Variants in WIZ observed in about 807,000 individuals in gnomAD.
The protein encoded by WIZ is protein Wiz.
Under a neutral mutation model 140.2 loss-of-function variants are expected in WIZ, and 25 were observed. The ratio of observed to expected loss-of-function variants is 0.18; its 90% CI spans 0.13 to 0.25. The LOEUF is 0.25. Ranked by LOEUF, WIZ falls within the 10% of genes least tolerant of loss-of-function variation. The pLI, the probability that WIZ is intolerant of heterozygous loss-of-function variation, is 1.00. For missense variants in WIZ, 2,231 were observed against 2,632.6 expected (o/e 0.85, Z 3.34); for synonymous variants, 1,125 against 1,154.3 (o/e 0.97, Z 0.51).
At position 15,438,990 on chromosome 19, in the gene WIZ, T is replaced by A; in HGVS notation, c.2004A>T (p.Val668=). The A allele has an allele frequency of 6.8e-7, 1 of 1,474,202 alleles. No individual in the cohort carries two copies. The highest frequency in any genetic ancestry group is 9.0e-7 in the Non-Finnish European group (1 of 1,115,934). 91.3% of individuals were successfully genotyped at this position (1,474,202 alleles called of 1,614,324 possible). A position where few individuals can be genotyped will look rare whatever the true frequency, so the allele number is the denominator to read the frequency against. The change falls in exon 4 of 13, where the codon GTA becomes GTT. Residue 668 remains valine, a synonymous_variant. Coordinates refer to ENST00000673675, the MANE Select transcript of WIZ (RefSeq NM_001371589.1). ...KQAFREALQA[V]EATQGQQQQL... ...GCTGCTGCTGCCCCTGGGTGGCCTCTACTGCCTGCAGGGCCTCTCGGAATG... is the reference window on the plus strand; with the variant it reads ...GCTGCTGCTGCCCCTGGGTGGCCTCAACTGCCTGCAGGGCCTCTCGGAATG...
rs774125476 is a variant in WIZ at position 15,427,129 on chromosome 19, C to T, written c.4219G>A (p.Ala1407Thr). 12 of 1,614,098 alleles carry T rather than the reference C, an allele frequency of 7.4e-6. No homozygotes were observed. The Admixed American group carries it at 1.8e-4, about 25-fold the overall frequency. The stretch of plus-strand genomic sequence containing the variant: ...TTCAGCTTCTTGGGCAAGGAGGGTG[C>T]AGCCAGGCCTGGGAACATCTTTCGG... ...TARKMFPGLA[A>T]PSLPKKLKPE... Residue 1407 changes from alanine to threonine, a missense_variant, in exon 9 of 13, where the codon GCA becomes ACA. Ala to Thr is a moderately conservative substitution (Grantham distance 58). Coordinates refer to ENST00000673675, the MANE Select transcript of WIZ (RefSeq NM_001371589.1). This position sits in a 1 kb window ranked among gnomAD's most constrained non-coding sequence, Gnocchi z 6.4.
chr19:15,438,212 C>G (rs1273213727), intron 4 of WIZ, among the ~76,000 whole-genome samples: 1 of 152,242 alleles, frequency 6.6e-6, no homozygotes, highest in Admixed American at 6.5e-5. Context: ...GGTCCCACCA[C>G]TCCTGGACTG....
In WIZ at chr19:15,425,328, G is replaced by A; in HGVS notation, c.4807C>T (p.Leu1603Phe). ...GTCTTGGCCTTGACCTCTGCTGGGA[G>A]GAGGCGGTCCTCCTGCAGGGGCCGC... ...AKRPLQEDRLLPAEVKAKTYI... is the reference protein window; with the variant it reads ...AKRPLQEDRLFPAEVKAKTYI... The change falls in exon 10 of 13, where the codon CTC becomes TTC. Residue 1603 changes from leucine (L) to phenylalanine (F), a missense_variant. Coordinates refer to ENST00000673675, the MANE Select transcript of WIZ (RefSeq NM_001371589.1). 2 of 1,572,042 alleles carry A rather than the reference G, an allele frequency of 1.3e-6. No homozygotes were observed. The highest frequency in any genetic ancestry group is 1.7e-6 in the Non-Finnish European group (2 of 1,159,090).
intron 7 of WIZ, 41 bp downstream of exon 7, chr19:15,429,545 C>G: frequency 7.5e-7 from 1 of 1,335,218 alleles, no homozygotes; most frequent in Admixed American, 3.5e-5. Context: ...CCGACCCTCC[C>G]AGCGCCAGAA....
At chr19:15,445,118 G>C (rs1373908935) in intron 2 of WIZ, among the ~76,000 whole-genome samples, 1 of 152,228 alleles carries the variant, frequency 6.6e-6, no homozygotes, top group African/African-American at 2.4e-5. Flanking sequence ...GCGCTAGGTC[G>C]CAGCCCTTAG....
chr19:15,434,757 G>T (rs1318963134), intron 5 of WIZ, among the ~76,000 whole-genome samples: 2 of 152,002 alleles, frequency 1.3e-5, no homozygotes, highest in Non-Finnish European at 2.9e-5. Context: ...TGCAAGACTG[G>T]GCCCTTCACT....
rs903835856 is a variant in WIZ, at chr19:15,428,803, A to G, written c.3416-295T>C. On this transcript the variant is annotated intron_variant, in intron 7 of 12. Transcript: ENST00000673675. The surrounding 1 kb of genome is among the most constrained non-coding windows in gnomAD (Gnocchi z 6.4). ...CCCTAGGATCCCTGCTATGGGAGCTATTTGGGGGCGATGGTGGCTGCTGGG... is the reference window on the plus strand; with the variant it reads ...CCCTAGGATCCCTGCTATGGGAGCTGTTTGGGGGCGATGGTGGCTGCTGGG... Among the ~76,000 whole-genome samples the G allele has an allele frequency of 2.0e-5, 3 of 152,068 alleles. No individual in the cohort carries two copies. Among genetic ancestry groups the G allele is most frequent in the Non-Finnish European group, 2.9e-5 (2 of 67,992 alleles).
rs544721973 is a variant in WIZ at position 15,437,235 on chromosome 19, G to T, written c.2417-106C>A. The T allele has an allele frequency of 1.4e-4, 155 of 1,144,828 alleles. No individual in the cohort carries two copies. The African/African-American group carries it at 2.3e-3, about 17-fold the overall frequency. The allele number at this position is 1,144,828 out of a possible 1,614,324, so 70.9% of individuals were successfully genotyped here. A position where few individuals can be genotyped will look rare whatever the true frequency, so the allele number is the denominator to read the frequency against. On this transcript the variant is annotated intron_variant, in intron 4 of 12. Transcript: ENST00000673675. Reference sequence around the variant, plus strand: ...ACCCTGGACTGCCTTTCTTCCCCGTGGCTGTCCCTTTTGCTCCTGCCTGCT... The same window carrying T: ...ACCCTGGACTGCCTTTCTTCCCCGTTGCTGTCCCTTTTGCTCCTGCCTGCT...
chr19:15,427,999 C>A lies in WIZ; in HGVS notation c.3814+111G>T. 1 of 1,433,134 alleles carries A rather than the reference C, an allele frequency of 7.0e-7. No homozygotes were observed. The allele number at this position is 1,433,134 out of a possible 1,614,324, so 88.8% of individuals were successfully genotyped here. On this transcript the variant is annotated intron_variant, in intron 8 of 12. Transcript: ENST00000673675. This position sits in a 1 kb window ranked among gnomAD's most constrained non-coding sequence, Gnocchi z 6.4. Reference sequence around the variant, plus strand: ...ATCTCTGGGCAGAACCGGCCCACTGCCAAGGGCCCCTGTCTACTCCCTGCC... The same window carrying A: ...ATCTCTGGGCAGAACCGGCCCACTGACAAGGGCCCCTGTCTACTCCCTGCC...
Position 15,423,292 on chromosome 19 carries a change from T to C in WIZ, c.5511-57A>G. On this transcript the variant is annotated intron_variant, in intron 12 of 12. Transcript: ENST00000673675. ...AGTGCTGTGAGGAGAGGCGGAAGCATAGCCTTGCCAGCATCCCTGGGCACA... is the reference window on the plus strand; with the variant it reads ...AGTGCTGTGAGGAGAGGCGGAAGCACAGCCTTGCCAGCATCCCTGGGCACA... 5.0e-6 allele frequency: 8 copies of C among 1,584,238 alleles called. 1 individual carries two copies. In the South Asian group the frequency reaches 9.1e-5, roughly 18 times the overall value.
At position 15,424,494 on chromosome 19, in the gene WIZ, G is replaced by C. The variant is rs558358274; in HGVS notation, c.5315-116C>G. ...GATGGGTGGGATGGGGGATGGATGG[G>C]TGAATGGGTAAGCAACTGGAGAAAG... is the stretch of plus-strand genomic sequence containing the variant. On this transcript the variant is annotated intron_variant, in intron 11 of 12. Coordinates refer to ENST00000673675, the MANE Select transcript of WIZ (RefSeq NM_001371589.1). This position sits in a 1 kb window ranked among gnomAD's most constrained non-coding sequence, Gnocchi z 9.7. The C allele has an allele frequency of 1.9e-3, 2,911 of 1,530,308 alleles. 3 individuals carry two copies. The highest frequency in any genetic ancestry group is 2.2e-3 in the Non-Finnish European group (2,446 of 1,135,858). 94.8% of individuals were successfully genotyped at this position (1,530,308 alleles called of 1,614,324 possible). A position where few individuals can be genotyped will look rare whatever the true frequency, so the allele number is the denominator to read the frequency against.
intron 5 of WIZ, among the ~76,000 whole-genome samples, 161 bp from the exon 6 acceptor site, chr19:15,431,343 C>T (rs1969224665): frequency 6.6e-6 from 1 of 152,234 alleles, no homozygotes; most frequent in Admixed American, 6.5e-5. Flanking sequence ...CAGCACCAGT[C>T]CAGTGCAGGG....
At position 15,427,574 on chromosome 19, in the gene WIZ, T is replaced by C; in HGVS notation, c.3815-41A>G. ...AAAGGGGCAGTTAGCATCGTGGAAC[T>C]GCCAGCATGGTCACCTGCAGGAGTG... On this transcript the variant is annotated intron_variant, in intron 8 of 12. Transcript: ENST00000673675. This position sits in a 1 kb window ranked among gnomAD's most constrained non-coding sequence, Gnocchi z 6.4. 6.4e-7 allele frequency: 1 copy of C among 1,568,476 alleles called. No homozygotes were observed. Among genetic ancestry groups the C allele is most frequent in the African/African-American group, 1.3e-5 (1 of 74,496 alleles).
chr19:15,440,271 C>G lies in WIZ; in HGVS notation c.723G>C (p.Glu241Asp), dbSNP rs1214409747. The change falls in exon 4 of 13, where the codon GAG (glutamate) becomes GAC (aspartate). Residue 241 changes from glutamate to aspartate, a missense_variant. Transcript: ENST00000673675. The surrounding 1 kb of genome is among the most constrained non-coding windows in gnomAD (Gnocchi z 6.2). ...MAVVGGREDL[E>D]DLEGLAQPSE... Reference sequence around the variant, plus strand: ...ACGGCTGGGCCAGCCCCTCCAGGTCCTCCAGATCTTCTCTGCCACCCACCA... The same window carrying G: ...ACGGCTGGGCCAGCCCCTCCAGGTCGTCCAGATCTTCTCTGCCACCCACCA... 1.3e-6 allele frequency: 2 copies of G among 1,490,904 alleles called. No individual in the cohort carries two copies. The highest frequency in any genetic ancestry group is 1.8e-6 in the Non-Finnish European group (2 of 1,124,308). 92.4% of individuals were successfully genotyped at this position (1,490,904 alleles called of 1,614,324 possible).
rs1380578728 is a variant in WIZ, at chr19:15,439,623, G to A, written c.1371C>T (p.Tyr457=). Residue 457 remains tyrosine, a synonymous_variant, in exon 4 of 13, where the codon TAC becomes TAT. Coordinates refer to ENST00000673675, the MANE Select transcript of WIZ (RefSeq NM_001371589.1). The surrounding 1 kb of genome is among the most constrained non-coding windows in gnomAD (Gnocchi z 7.0). Reference sequence around the variant, plus strand: ...AGGCGCTGAGGCCAACGGCAGCTCCGTAGGGCTGATAGAGGAGGGCGCTGG... The same window carrying A: ...AGGCGCTGAGGCCAACGGCAGCTCCATAGGGCTGATAGAGGAGGGCGCTGG... ...PEASALLYQP[Y]GAAVGLSACV... 9.4e-6 allele frequency: 14 copies of A among 1,487,372 alleles called. No individual in the cohort carries two copies. Among genetic ancestry groups the A allele is most frequent in the Admixed American group, 7.1e-5 (3 of 42,060 alleles). 92.1% of individuals were successfully genotyped at this position (1,487,372 alleles called of 1,614,324 possible). A position where few individuals can be genotyped will look rare whatever the true frequency, so the allele number is the denominator to read the frequency against.
At chr19:15,441,095 T>C (rs532955373) in intron 3 of WIZ, among the ~76,000 whole-genome samples, 1 of 152,222 alleles carries the variant, frequency 6.6e-6, no homozygotes, top group Non-Finnish European at 1.5e-5. Context: ...AGGCTGCTTC[T>C]GTCTTGGTTC....
chr19:15,448,604 A>G (rs1237938349), intron 1 of WIZ, among the ~76,000 whole-genome samples: 1 of 151,936 alleles, frequency 6.6e-6, no homozygotes, highest in Admixed American at 6.6e-5. Context: ...CAGATCCTGC[A>G]CTGCCTCAGT....
rs748909836 is a variant in WIZ at position 15,439,977 on chromosome 19, T to C, written c.1017A>G (p.Arg339=). 6.5e-6 allele frequency: 10 copies of C among 1,535,656 alleles called. No homozygotes were observed. In the South Asian group the frequency reaches 1.1e-4, roughly 16 times the overall value. The change falls in exon 4 of 13, where the codon CGA becomes CGG. Residue 339 remains arginine (R), a synonymous_variant. Transcript: ENST00000673675. This position sits in a 1 kb window ranked among gnomAD's most constrained non-coding sequence, Gnocchi z 7.0. Reference sequence around the variant, plus strand: ...CCGCAGGGGGCTCCTGGCCCGGGGCTCGGCGGTGCTGGCTCATGTGCTCCA... The same window carrying C: ...CCGCAGGGGGCTCCTGGCCCGGGGCCCGGCGGTGCTGGCTCATGTGCTCCA... ...HLLEHMSQHR[R]APGQEPPADL...
At chr19:15,431,971 T>C (rs769736294) in intron 5 of WIZ, among the ~76,000 whole-genome samples, 1 of 152,118 alleles carries the variant, frequency 6.6e-6, no homozygotes, top group African/African-American at 2.4e-5. Flanking sequence ...CTGTGCCAAA[T>C]GGGGCCTTGG....
Sources: gnomAD v4.1 joint callset for allele counts (sites outside exome capture counted in the v4.1 genomes callset) on GRCh38, gnomAD v4.1.1 for gene constraint, Gnocchi (gnomAD v3.1) non-coding constraint, MANE v1.5 for transcripts, NCBI Gene and HGNC (gene_info 2026-07-23, HGNC 2026-07-21) for gene names.